Variants in DNAJC2 observed in about 807,000 individuals in gnomAD.
DNAJC2 encodes the protein dnaJ homolog subfamily C member 2.
DNAJC2 carries 32 observed loss-of-function variants against 94.0 expected under a neutral mutation model. The observed-to-expected ratio is 0.34, with a 90% CI of 0.26 to 0.46. The LOEUF is 0.46. DNAJC2 is among the 20% of genes least tolerant of loss of function. The probability of loss-of-function intolerance (pLI) is 1.00; values close to 1 mark genes in which losing one functional copy is unlikely to be tolerated. For missense variants in DNAJC2, 550 were observed against 719.5 expected (o/e 0.76, Z 2.69); for synonymous variants, 210 against 229.7 (o/e 0.91, Z 0.77).
chr7:103,341,720 C>A (rs937492602), intron 2 of DNAJC2, 44 bp downstream of exon 2: 1 of 1,454,452 alleles, frequency 6.9e-7, no homozygotes, highest in South Asian at 1.4e-5. Context: ...TTGTCTATGT[C>A]TAACAAAGCA....
chr7:103,333,563 G>C (rs1367950100), intron 3 of DNAJC2, among the ~76,000 whole-genome samples: 1 of 152,206 alleles, frequency 6.6e-6, no homozygotes, highest in African/African-American at 2.4e-5. Flanking sequence ...AGTTCAGTGA[G>C]TTCTGACAAT....
intron 10 of DNAJC2, among the ~76,000 whole-genome samples, chr7:103,321,208 C>T (rs114410434): frequency 0.048 from 7,353 of 151,760 alleles, 239 homozygotes; most frequent in African/African-American, 0.081. Flanking sequence ...ACAACAATAA[C>T]AAAAACTTAA....
At chr7:103,325,134 C>T (rs1043526840) in intron 5 of DNAJC2, among the ~76,000 whole-genome samples, 1 of 152,092 alleles carries the variant, frequency 6.6e-6, no homozygotes, top group Admixed American at 6.6e-5. Context: ...TACTTTTTAC[C>T]ACCTCAGCAC....
At chr7:103,328,872 C>T in intron 3 of DNAJC2, 1 of 487,116 alleles carries the variant, frequency 2.1e-6, no homozygotes, top group African/African-American at 2.1e-5. Context: ...ATAAATAATG[C>T]CAATTTGAAT....
At chr7:103,343,809 T>G (rs1819485579) in intron 1 of DNAJC2, among the ~76,000 whole-genome samples, 1 of 152,180 alleles carries the variant, frequency 6.6e-6, no homozygotes, top group South Asian at 2.1e-4. Flanking sequence ...GAACACTGCC[T>G]TTTAAGCCTT....
intron 12 of DNAJC2, among the ~76,000 whole-genome samples, chr7:103,318,516 C>CT (rs1248423488): frequency 1.3e-5 from 2 of 152,162 alleles, no homozygotes; most frequent in Non-Finnish European, 2.9e-5. Context: ...CCTTCCTATC[C>CT]TACACCTCAT....
At position 103,323,604 on chromosome 7, in the gene DNAJC2, G is replaced by T; in HGVS notation, c.713C>A (p.Ala238Glu). 1.4e-6 allele frequency: 2 copies of T among 1,470,670 alleles called. No individual in the cohort carries two copies. The highest frequency in any genetic ancestry group is 2.1e-5 in the Admixed American group (1 of 48,648). 91.1% of individuals were successfully genotyped at this position (1,470,670 alleles called of 1,614,324 possible). A position where few individuals can be genotyped will look rare whatever the true frequency, so the allele number is the denominator to read the frequency against. Residue 238 changes from alanine (A) to glutamate (E), a missense_variant, in exon 7 of 17, where the codon GCA becomes GAA. Around this residue, in one of 2 missense-constraint regions of DNAJC2, gnomAD observed 279 missense variants for 416.9 expected, o/e 0.67. Transcript: ENST00000379263. ...TAATGATTTGCATACATACCATTCT[G>T]CTTTTTCTTTTTCTTCTTCATCTAA... ...SYLDEEEKEKAECRDERRWIE... is the reference protein window; with the variant it reads ...SYLDEEEKEKEECRDERRWIE...
At chr7:103,331,073 C>T (rs1255361592) in intron 3 of DNAJC2, among the ~76,000 whole-genome samples, 5 of 151,978 alleles carry the variant, frequency 3.3e-5, no homozygotes, top group African/African-American at 2.4e-5. Context: ...ATTCTCCTGT[C>T]AGCCTCTGGA....
At chr7:103,333,211 T>C (rs1286317788) in intron 3 of DNAJC2, among the ~76,000 whole-genome samples, 2 of 152,214 alleles carry the variant, frequency 1.3e-5, no homozygotes, top group African/African-American at 4.8e-5. Context: ...TACTGTCTTA[T>C]TTATTTTCTT....
intron 1 of DNAJC2, 86 bp downstream of exon 1, chr7:103,344,473 G>A: frequency 4.7e-6 from 7 of 1,494,332 alleles, no homozygotes; most frequent in African/African-American, 1.4e-5. Flanking sequence ...AGGGTCAAGG[G>A]TAGAGAGAGC....
At chr7:103,332,265 A>C (rs776451649) in intron 3 of DNAJC2, among the ~76,000 whole-genome samples, 1 of 152,198 alleles carries the variant, frequency 6.6e-6, no homozygotes, top group Non-Finnish European at 1.5e-5. Flanking sequence ...TTGGCCTCCC[A>C]AAGTGCTCGG....
intron 5 of DNAJC2, among the ~76,000 whole-genome samples, chr7:103,325,895 T>C (rs895000294): frequency 1.3e-5 from 2 of 151,866 alleles, no homozygotes; most frequent in African/African-American, 4.9e-5. Context: ...CAGAGAGTAG[T>C]ATACCGATTG....
chr7:103,329,193 T>C (rs1180793312), intron 3 of DNAJC2: 1 of 301,112 alleles, frequency 3.3e-6, no homozygotes, highest in African/African-American at 2.3e-5. Flanking sequence ...TGTTAACATC[T>C]ACATAGCAGT....
At chr7:103,314,041 A>T in intron 15 of DNAJC2, 9 of 985,452 alleles carry the variant, frequency 9.1e-6, no homozygotes, top group Non-Finnish European at 1.1e-5. Context: ...AAACAAAACA[A>T]AACAAAACCA....
chr7:103,315,840 CTTT>C lies in DNAJC2; in HGVS notation c.1557_1559del (p.Lys520del), dbSNP rs1818021576. 6.2e-7 allele frequency: 1 copy of C among 1,613,460 alleles called. No individual in the cohort carries two copies. Among genetic ancestry groups the C allele is most frequent in the East Asian group, 2.2e-5 (1 of 44,850 alleles). On this transcript the variant is annotated inframe_deletion, in exon 15 of 17. Transcript: ENST00000379263. ...GTTCTTTTTTGAACTTATCAAATGCCTTTTTATTTATGTCATCTTTTTGATGAG... is the reference window on the plus strand; with the variant it reads ...GTTCTTTTTTGAACTTATCAAATGCCTTATTTATGTCATCTTTTTGATGAG...
At chr7:103,324,651 T>G in intron 5 of DNAJC2, 89 bp from the exon 6 acceptor site, 3 of 1,131,572 alleles carry the variant, frequency 2.7e-6, no homozygotes, top group Middle Eastern at 6.6e-4. Context: ...AAACAATAAT[T>G]TTTACTAATT....
rs764388747 is a variant in DNAJC2, at chr7:103,337,736, G to A, written c.331C>T (p.His111Tyr). 3.7e-6 allele frequency: 6 copies of A among 1,610,398 alleles called. No individual in the cohort carries two copies. The East Asian group carries it at 8.9e-5, about 24-fold the overall frequency. Residue 111 changes from histidine to tyrosine, a missense_variant and splice_region_variant, in exon 3 of 17, where the codon CAT (histidine) becomes TAT (tyrosine). This residue lies in a region of DNAJC2 where 279 missense variants were observed against 416.9 expected (regional missense o/e 0.67). Coordinates refer to ENST00000379263, the MANE Select transcript of DNAJC2 (RefSeq NM_014377.3). ...KATQRQIKAA[H>Y]KAMVLKHHPD... ...TATTTCAAAATAACTAAGTACTTAC[G>A]AGCTGCTTTGATCTGTCTCTGTGTA...
Position 103,322,025 on chromosome 7 carries a change from TTCC to T in DNAJC2, c.987_989del (p.Glu330del), listed in dbSNP as rs1298689940. The stretch of plus-strand genomic sequence containing the variant: ...TTGCCAGCAATGCTTGCTGTCTGAC[TTCC>T]TCCTCTTCTTTCTCCTTAGCTAACC... On this transcript the variant is annotated inframe_deletion, in exon 10 of 17. Coordinates refer to ENST00000379263, the MANE Select transcript of DNAJC2 (RefSeq NM_014377.3). 1.2e-6 allele frequency: 2 copies of T among 1,613,858 alleles called. No individual in the cohort carries two copies. Among genetic ancestry groups the T allele is most frequent in the Non-Finnish European group, 1.7e-6 (2 of 1,179,882 alleles).
intron 5 of DNAJC2, among the ~76,000 whole-genome samples, chr7:103,324,984 CTCA>C (rs1455355200): frequency 6.6e-6 from 1 of 152,176 alleles, no homozygotes; most frequent in Non-Finnish European, 1.5e-5. Context: ...TAATTTCCAC[CTCA>C]TCACCACCAC....
Sources: gnomAD v4.1 joint callset for allele counts (sites outside exome capture counted in the v4.1 genomes callset) on GRCh38, gnomAD v4.1.1 for gene constraint, gnomAD v4.1.1 regional missense constraint, MANE v1.5 for transcripts, NCBI Gene and HGNC (gene_info 2026-07-23, HGNC 2026-07-21) for gene names.